The following PCCA variants were observed in gnomAD, a reference collection of about 807,000 sequenced individuals.
PCCA encodes the protein propionyl-CoA carboxylase alpha chain, mitochondrial.
Under a neutral mutation model 101.3 loss-of-function variants are expected in PCCA, and 74 were observed. That is an observed-to-expected ratio of 0.73 (90% confidence interval 0.61 to 0.89). The LOEUF (loss-of-function observed/expected upper bound fraction) is 0.89, where lower values mean the gene tolerates loss of function less well. Ranked by LOEUF, PCCA falls within the 40% of genes least tolerant of loss-of-function variation. The pLI is 0.00. For missense variants in PCCA, 891 were observed against 907.0 expected, an observed-to-expected ratio of 0.98 and a Z score of 0.23; for synonymous variants, 294 against 313.6, an observed-to-expected ratio of 0.94 and a Z score of 0.66.
intron 6 of PCCA, among the ~76,000 whole-genome samples, chr13:100,172,192 C>T (rs1282263111): frequency 1.3e-5 from 2 of 149,120 alleles, no homozygotes; most frequent in African/African-American, 4.9e-5. Flanking sequence ...CAGAGCAAAA[C>T]CCTGTCTCAA....
At chr13:100,321,395 G>A (rs967585519) in intron 16 of PCCA, among the ~76,000 whole-genome samples, 75 of 152,028 alleles carry the variant, frequency 4.9e-4, no homozygotes, top group African/African-American at 1.7e-3. Flanking sequence ...CAAAAGCAAC[G>A]CCACATTTTT....
intron 21 of PCCA, among the ~76,000 whole-genome samples, chr13:100,456,522 C>G (rs1260701503): frequency 6.6e-6 from 1 of 152,082 alleles, no homozygotes; most frequent in Non-Finnish European, 1.5e-5. Context: ...GTAGTGGCCC[C>G]GAACGGCTGG....
At chr13:100,249,660 G>A (rs937421749) in intron 8 of PCCA, among the ~76,000 whole-genome samples, 4 of 152,234 alleles carry the variant, frequency 2.6e-5, no homozygotes, top group East Asian at 3.9e-4. Flanking sequence ...TATAGATCAC[G>A]TTGAGGAGGA....
rs374290310 is a variant in PCCA at position 100,401,323 on chromosome 13, A to G, written c.1747-24310A>G. Among the ~76,000 whole-genome samples the G allele has an allele frequency of 1.1e-3, 162 of 152,232 alleles. 6 individuals are homozygous for G. The South Asian group carries it at 0.031, about 29-fold the overall frequency. ...AAGTGGCGTGATCTTGACTCACCAC[A>G]ACCTCTGCCTCCTGGGTTCAAGCGA... On this transcript the variant is annotated intron_variant, in intron 19 of 23. Coordinates refer to ENST00000376285, the MANE Select transcript of PCCA (RefSeq NM_000282.4).
chr13:100,362,876 A>G (rs1242112775), intron 18 of PCCA, among the ~76,000 whole-genome samples: 1 of 152,150 alleles, frequency 6.6e-6, no homozygotes, highest in Non-Finnish European at 1.5e-5. Context: ...TGTAGGCAGA[A>G]TTCTAATCCT....
At chr13:100,236,223 G>A (rs1287931113) in intron 8 of PCCA, among the ~76,000 whole-genome samples, 1 of 152,046 alleles carries the variant, frequency 6.6e-6, no homozygotes, top group Non-Finnish European at 1.5e-5. Context: ...AAGAACATTT[G>A]GATTAAAATG....
At chr13:100,522,300 C>A (rs2087364538) in intron 22 of PCCA, among the ~76,000 whole-genome samples, 1 of 152,206 alleles carries the variant, frequency 6.6e-6, no homozygotes, top group Admixed American at 6.5e-5. Context: ...TCTGCAGTTT[C>A]TAATGTCATG....
intron 6 of PCCA, among the ~76,000 whole-genome samples, chr13:100,157,663 G>A (rs567036393): frequency 3.3e-5 from 5 of 152,290 alleles, no homozygotes; most frequent in Admixed American, 2.6e-4. Context: ...GTGAGTTATT[G>A]TAGTGATTTA....
At chr13:100,370,711 G>A (rs942307348) in intron 19 of PCCA, among the ~76,000 whole-genome samples, 1 of 152,144 alleles carries the variant, frequency 6.6e-6, no homozygotes, top group Non-Finnish European at 1.5e-5. Context: ...TTTGACATCA[G>A]TATTATGAAA....
At chr13:100,154,210 TAAAA>T (rs1389092120) in intron 4 of PCCA, among the ~76,000 whole-genome samples, 1 of 152,208 alleles carries the variant, frequency 6.6e-6, no homozygotes, top group Non-Finnish European at 1.5e-5. Context: ...TTTCATCAGT[TAAAA>T]AGAATAGACT....
chr13:100,370,129 G>T (rs1259904160), intron 19 of PCCA, among the ~76,000 whole-genome samples: 3 of 130,310 alleles, frequency 2.3e-5, no homozygotes, highest in African/African-American at 8.7e-5. Flanking sequence ...TCGCCCAGAG[G>T]CTGGAGTGCA....
chr13:100,529,511 T>C lies in PCCA; in HGVS notation c.2119-587T>C, dbSNP rs114501521. ...CTTGATAAAGATTGACTGAAACCGG[T>C]AGGACAAAAAGGCACAGTTCCACCC... On this transcript the variant is annotated intron_variant, in intron 23 of 23. Transcript: ENST00000376285. Among the ~76,000 whole-genome samples, 1,037 of 152,154 alleles carry C rather than the reference T, an allele frequency of 6.8e-3. 13 individuals carry two copies. Among genetic ancestry groups the C allele is most frequent in the African/African-American group, 0.023 (975 of 41,504 alleles).
At chr13:100,498,979 G>A (rs1314525201) in intron 21 of PCCA, among the ~76,000 whole-genome samples, 2 of 152,172 alleles carry the variant, frequency 1.3e-5, no homozygotes, top group Non-Finnish European at 2.9e-5. Context: ...CTCTGGTTCT[G>A]AGAACTTGGC....
rs144475141 is a variant in PCCA at position 100,326,270 on chromosome 13, A to T, written c.1430-4291A>T. On this transcript the variant is annotated intron_variant, in intron 16 of 23. Coordinates refer to ENST00000376285, the MANE Select transcript of PCCA (RefSeq NM_000282.4). The stretch of plus-strand genomic sequence containing the variant: ...GGTACGGATCTTAGAGGAATCCAAG[A>T]GCGGATAGACACCACACCCGAGGAA... 3.8e-4 allele frequency among the ~76,000 whole-genome samples: 58 copies of T among 152,288 alleles called. 1 individual carries two copies. In the East Asian group the frequency reaches 0.011, roughly 28 times the overall value.
chr13:100,303,117 G>A, intron 14 of PCCA, 119 bp downstream of exon 14: 1 of 768,264 alleles, frequency 1.3e-6, no homozygotes, highest in Admixed American at 1.8e-5. Flanking sequence ...AAATTCATGG[G>A]AATCATGGTT....
chr13:100,144,275 C>T (rs1468387668), intron 4 of PCCA, among the ~76,000 whole-genome samples: 6 of 152,050 alleles, frequency 3.9e-5, no homozygotes, highest in African/African-American at 1.4e-4. Flanking sequence ...AGCCATATAC[C>T]GTAAATCAAG....
At chr13:100,089,947 G>A (rs903087189) in intron 1 of PCCA, among the ~76,000 whole-genome samples, 2 of 152,104 alleles carry the variant, frequency 1.3e-5, no homozygotes, top group African/African-American at 4.8e-5. Context: ...TCTGAGCTCT[G>A]TCTCCAGTCA....
intron 6 of PCCA, among the ~76,000 whole-genome samples, chr13:100,178,919 T>TA (rs1308801984): frequency 6.6e-6 from 1 of 151,370 alleles, no homozygotes; most frequent in Non-Finnish European, 1.5e-5. Context: ...CTACTAAAAA[T>TA]ACAAAATATT....
intron 15 of PCCA, among the ~76,000 whole-genome samples, chr13:100,308,300 T>C (rs1218056905): frequency 2.0e-5 from 3 of 152,156 alleles, no homozygotes; most frequent in Non-Finnish European, 4.4e-5. Context: ...ACAAACACTT[T>C]TTTATCTGTC....
Sources: gnomAD v4.1 joint callset for allele counts (sites outside exome capture counted in the v4.1 genomes callset) on GRCh38, gnomAD v4.1.1 for gene constraint, MANE v1.5 for transcripts, NCBI Gene and HGNC (gene_info 2026-07-23, HGNC 2026-07-21) for gene names.